KAZN: variants seen among roughly 807,000 people sequenced by gnomAD.
The protein encoded by KAZN is kazrin, periplakin interacting protein.
KAZN carries 40 observed loss-of-function variants against 87.4 expected under a neutral mutation model. The ratio of observed to expected loss-of-function variants is 0.46; its 90% CI spans 0.36 to 0.60. The LOEUF is 0.60. Among genes scored for constraint, KAZN ranks in the 20% least tolerant of loss-of-function variants. The pLI is 0.00. For missense variants in KAZN, 898 were observed against 1,073.9 expected, an observed-to-expected ratio of 0.84 and a Z score of 2.29; for synonymous variants, 466 against 458.3, an observed-to-expected ratio of 1.02 and a Z score of -0.22.
At chr1:14,047,226 CCT>C (rs1570607687) in intron 1 of KAZN, among the ~76,000 whole-genome samples, 1 of 152,168 alleles carries the variant, frequency 6.6e-6, no homozygotes, top group African/African-American at 2.4e-5. Flanking sequence ...GTCCACACCC[CCT>C]CTCGGTTCCT....
intron 1 of KAZN, among the ~76,000 whole-genome samples, chr1:14,737,385 G>A (rs959997722): frequency 5.3e-5 from 8 of 152,186 alleles, no homozygotes; most frequent in Non-Finnish European, 1.2e-4. Flanking sequence ...GCACAGAGAA[G>A]TAAAGAGATC....
intron 2 of KAZN, among the ~76,000 whole-genome samples, chr1:14,992,516 C>T (rs962008148): frequency 7.9e-5 from 12 of 152,240 alleles, no homozygotes; most frequent in Non-Finnish European, 1.2e-4. Flanking sequence ...AGTGGCCCCT[C>T]CTCCAGGGCT....
At chr1:14,977,610 A>C (rs965370312) in intron 2 of KAZN, among the ~76,000 whole-genome samples, 1 of 152,250 alleles carries the variant, frequency 6.6e-6, no homozygotes, top group African/African-American at 2.4e-5. Flanking sequence ...AATGGGTGGC[A>C]TCAGTGGAGA....
intron 2 of KAZN, among the ~76,000 whole-genome samples, chr1:14,317,990 C>A (rs1402762674): frequency 6.6e-6 from 1 of 151,900 alleles, no homozygotes; most frequent in Non-Finnish European, 1.5e-5. Context: ...ATATTAGAAC[C>A]TTATAAGAAA....
intron 1 of KAZN, among the ~76,000 whole-genome samples, chr1:14,674,548 C>A (rs1414997983): frequency 6.6e-6 from 1 of 152,184 alleles, no homozygotes; most frequent in East Asian, 1.9e-4. Context: ...TTCATGCAAC[C>A]CTAGACCTTG....
rs111522022 is a variant in KAZN, at chr1:14,058,579, A to C, written c.92-121856A>C. 7.2e-3 allele frequency among the ~76,000 whole-genome samples: 1,099 copies of C among 152,316 alleles called. 11 individuals carry two copies. Among genetic ancestry groups the C allele is most frequent in the African/African-American group, 0.025 (1,050 of 41,570 alleles). ...ATGCAACAGTAAATAAGGGAGGTGC[A>C]GCCCTTGATATGACAATCTGGTGGA... On this transcript the variant is annotated intron_variant, in intron 1 of 16. Coordinates refer to the KAZN transcript ENST00000636203.
At chr1:14,399,083 T>G (rs557851085) in intron 2 of KAZN, among the ~76,000 whole-genome samples, 48 of 152,302 alleles carry the variant, frequency 3.2e-4, no homozygotes, top group Non-Finnish European at 6.5e-4. Flanking sequence ...TAGAGTGCAG[T>G]GGCGCAATCA....
At chr1:14,531,094 A>G (rs1672184472) in intron 2 of KAZN, among the ~76,000 whole-genome samples, 1 of 152,180 alleles carries the variant, frequency 6.6e-6, no homozygotes, top group Non-Finnish European at 1.5e-5. Flanking sequence ...CAATGAATCA[A>G]TCAGTAACCC....
intron 2 of KAZN, among the ~76,000 whole-genome samples, chr1:14,549,332 T>C (rs1673358954): frequency 6.6e-6 from 1 of 152,176 alleles, no homozygotes; most frequent in Non-Finnish European, 1.5e-5. Flanking sequence ...ACAGTCTCCC[T>C]GCAGCTGGGA....
intron 1 of KAZN, among the ~76,000 whole-genome samples, chr1:13,999,386 CA>C (rs1187882210): frequency 1.3e-5 from 2 of 150,770 alleles, no homozygotes; most frequent in African/African-American, 4.9e-5. Context: ...AAAAAACAAA[CA>C]AAAAAAACCA....
intron 2 of KAZN, among the ~76,000 whole-genome samples, chr1:14,390,329 G>A (rs1482481129): frequency 6.6e-6 from 1 of 152,170 alleles, no homozygotes; most frequent in African/African-American, 2.4e-5. Flanking sequence ...TGTACAGTAT[G>A]ATTTATAATG....
chr1:14,516,169 CT>C (rs1490158025), intron 2 of KAZN, among the ~76,000 whole-genome samples: 1 of 152,202 alleles, frequency 6.6e-6, no homozygotes, highest in Non-Finnish European at 1.5e-5. Context: ...GTCTTTCTGT[CT>C]GCTTCTTTGA....
At chr1:14,171,841 A>G (rs919166571) in intron 1 of KAZN, among the ~76,000 whole-genome samples, 2 of 152,210 alleles carry the variant, frequency 1.3e-5, no homozygotes, top group Non-Finnish European at 2.9e-5. Flanking sequence ...TTCATGGGCT[A>G]TACTTCATCT....
chr1:14,499,570 A>C (rs182287111), intron 2 of KAZN, among the ~76,000 whole-genome samples: 1 of 152,316 alleles, frequency 6.6e-6, no homozygotes, highest in African/African-American at 2.4e-5. Flanking sequence ...TCTGCAGTCT[A>C]ACTGGGTTAG....
At chr1:14,475,167 TGGAAAGATAGACAAA>T (rs538448669) in intron 2 of KAZN, among the ~76,000 whole-genome samples, 139 of 151,826 alleles carry the variant, frequency 9.2e-4, no homozygotes, top group African/African-American at 3.2e-3. Context: ...GGATGGATAG[TGGAAAGATAGACAAA>T]GGAAAGATAT....
Position 15,112,484 on chromosome 1 carries a change from C to T in KAZN, c.2106C>T (p.Ser702=), listed in dbSNP as rs369615093. The change falls in exon 14 of 15, where the codon AGC becomes AGT. Residue 702 remains serine, a synonymous_variant. Coordinates refer to ENST00000376030, the MANE Select transcript of KAZN (RefSeq NM_201628.3). ...RFGTPPGRAS[S]VTRAGKEENS... ...GAACGCCCCCTGGCAGGGCCTCCAG[C>T]GTCACGCGGGCAGGAAAGGAGGAGA... is the stretch of plus-strand genomic sequence containing the variant. 3.8e-5 allele frequency: 61 copies of T among 1,609,234 alleles called. No individual in the cohort carries two copies. Among genetic ancestry groups the T allele is most frequent in the Admixed American group, 1.7e-4 (10 of 59,358 alleles).
At chr1:14,134,640 G>T (rs4662114) in intron 1 of KAZN, among the ~76,000 whole-genome samples, 4 of 151,914 alleles carry the variant, frequency 2.6e-5, no homozygotes, top group African/African-American at 9.7e-5. Flanking sequence ...ACTAAATAAA[G>T]GTGCACAGTC....
intron 2 of KAZN, among the ~76,000 whole-genome samples, chr1:14,251,079 T>C (rs1438641575): frequency 6.6e-6 from 1 of 152,188 alleles, no homozygotes; most frequent in African/African-American, 2.4e-5. Flanking sequence ...GGCCTAACCC[T>C]GGAACTGAAA....
At chr1:14,199,010 G>T (rs1570995584) in intron 2 of KAZN, among the ~76,000 whole-genome samples, 2 of 152,120 alleles carry the variant, frequency 1.3e-5, no homozygotes, top group African/African-American at 4.8e-5. Flanking sequence ...GAGTGGATGG[G>T]TTTGAGAGAT....
Sources: allele counts gnomAD v4.1 joint callset (sites outside exome capture counted in the v4.1 genomes callset), GRCh38; gene constraint gnomAD v4.1.1; transcripts MANE v1.5; gene names NCBI Gene and HGNC (gene_info 2026-07-23, HGNC 2026-07-21).